The following CAMKMT variants were observed in gnomAD, a reference collection of about 807,000 sequenced individuals.
CAMKMT encodes calmodulin-lysine N-methyltransferase, also known as CaM KMT.
Under a neutral mutation model 48.0 loss-of-function variants are expected in CAMKMT, and 53 were observed. The ratio of observed to expected loss-of-function variants is 1.10; its 90% confidence interval spans 0.89 to 1.39. The LOEUF is 1.39. Among genes scored for constraint, CAMKMT ranks in the 40% most tolerant of loss-of-function variants. CAMKMT has a pLI of 0.00. For synonymous variants in CAMKMT, 165 were observed against 152.3 expected (o/e 1.08, Z -0.61); for missense variants, 428 against 402.7 (o/e 1.06, Z -0.54).
At chr2:44,402,125 G>C (rs1682428829) in intron 3 of CAMKMT, among the ~76,000 whole-genome samples, 1 of 152,052 alleles carries the variant, frequency 6.6e-6, no homozygotes. Context: ...TTGGGCGTTC[G>C]AGACCAGCCT....
intron 3 of CAMKMT, among the ~76,000 whole-genome samples, chr2:44,664,906 C>T (rs1674875471): frequency 1.3e-5 from 2 of 152,162 alleles, no homozygotes; most frequent in Non-Finnish European, 1.5e-5. Context: ...GTGTGGGTCA[C>T]AGTGATTCTC....
chr2:44,563,094 G>A (rs1045688711), intron 3 of CAMKMT, among the ~76,000 whole-genome samples: 4 of 151,988 alleles, frequency 2.6e-5, no homozygotes, highest in Non-Finnish European at 5.9e-5. Flanking sequence ...AAATAAGGCC[G>A]AGAGATTAAA....
chr2:44,385,108 A>T (rs1680653446), intron 2 of CAMKMT, among the ~76,000 whole-genome samples: 1 of 152,286 alleles, frequency 6.6e-6, no homozygotes, highest in Non-Finnish European at 1.5e-5. Context: ...CTACCTATCC[A>T]TGAGCATGGG....
intron 3 of CAMKMT, among the ~76,000 whole-genome samples, chr2:44,610,181 G>A (rs1313467459): frequency 2.0e-5 from 3 of 152,112 alleles, no homozygotes; most frequent in African/African-American, 7.2e-5. Flanking sequence ...TAACTGCATT[G>A]TGTAAGTCTC....
At chr2:44,538,968 G>A (rs951210048) in intron 3 of CAMKMT, among the ~76,000 whole-genome samples, 1 of 110,304 alleles carries the variant, frequency 9.1e-6, no homozygotes, top group African/African-American at 4.4e-5. Context: ...CTGTGTGTGT[G>A]TGTGTGTGTG....
At chr2:44,710,669 C>T (rs1308094460) in intron 6 of CAMKMT, among the ~76,000 whole-genome samples, 1 of 151,832 alleles carries the variant, frequency 6.6e-6, no homozygotes, top group Middle Eastern at 3.2e-3. Context: ...TCTTCAACTG[C>T]CCACATATAA....
chr2:44,626,783 A>G lies in CAMKMT; in HGVS notation c.377-77500A>G, dbSNP rs561440556. On this transcript the variant is annotated intron_variant, in intron 3 of 10. Transcript: ENST00000378494. ...AACATATGAATTTTGGGGGGACACA[A>G]CATTCAGAACATTGCACGAGACCAT... Among the ~76,000 whole-genome samples the G allele has an allele frequency of 1.3e-4, 20 of 152,264 alleles. No individual in the cohort carries two copies. The South Asian group carries it at 4.2e-3, about 32-fold the overall frequency.
intron 3 of CAMKMT, among the ~76,000 whole-genome samples, chr2:44,574,215 A>G (rs1004681971): frequency 1.3e-5 from 2 of 152,220 alleles, no homozygotes; most frequent in African/African-American, 4.8e-5. Flanking sequence ...CACATGGGGA[A>G]GACCAAGATT....
chr2:44,588,643 G>C (rs1222392722), intron 3 of CAMKMT, among the ~76,000 whole-genome samples: 1 of 47,904 alleles, frequency 2.1e-5, no homozygotes, highest in Admixed American at 2.1e-4. Flanking sequence ...AGTCCGGGAG[G>C]GAGGTGGGGG....
chr2:44,442,138 T>C (rs1666703456), intron 3 of CAMKMT, among the ~76,000 whole-genome samples: 1 of 152,152 alleles, frequency 6.6e-6, no homozygotes, highest in Non-Finnish European at 1.5e-5. Flanking sequence ...TACTCATTTT[T>C]ACCCAAGCAA....
chr2:44,558,536 A>G (rs1038466883), intron 3 of CAMKMT, among the ~76,000 whole-genome samples: 5 of 152,174 alleles, frequency 3.3e-5, no homozygotes, highest in African/African-American at 1.2e-4. Context: ...CAAATTAATT[A>G]ATTCTCAGAG....
rs145203293 is a variant in CAMKMT, at chr2:44,492,168, T to G, written c.376+101863T>G. On this transcript the variant is annotated intron_variant, in intron 3 of 10. Transcript: ENST00000378494. ...GAAATTATGTCCCTTATAAAACATTTGAGTTTTTTTTTTGGTAGAATGCCA... is the reference window on the plus strand; with the variant it reads ...GAAATTATGTCCCTTATAAAACATTGGAGTTTTTTTTTTGGTAGAATGCCA... Among the ~76,000 whole-genome samples, 90 of 152,222 alleles carry G rather than the reference T, an allele frequency of 5.9e-4. 1 individual carries two copies. In the East Asian group the frequency reaches 0.014, roughly 23 times the overall value.
intron 10 of CAMKMT, among the ~76,000 whole-genome samples, chr2:44,771,208 A>T (rs1333990305): frequency 6.6e-6 from 1 of 152,196 alleles, no homozygotes; most frequent in Admixed American, 6.5e-5. Flanking sequence ...CTCCCTGTAT[A>T]ATTTAAAGAA....
chr2:44,608,602 T>C (rs548564440), intron 3 of CAMKMT, among the ~76,000 whole-genome samples: 1 of 152,286 alleles, frequency 6.6e-6, no homozygotes, highest in Admixed American at 6.5e-5. Flanking sequence ...TATATTTTCT[T>C]CATACCATCA....
Position 44,591,525 on chromosome 2 carries a change from G to T in CAMKMT, c.377-112758G>T, listed in dbSNP as rs1298058923. Among the ~76,000 whole-genome samples, 6 of 152,034 alleles carry T rather than the reference G, an allele frequency of 3.9e-5. No homozygotes were observed. The East Asian group carries it at 5.8e-4, about 15-fold the overall frequency. On this transcript the variant is annotated intron_variant, in intron 3 of 10. Transcript: ENST00000378494. ...TATTCTCTTTGAAGCAATTGTGAAT[G>T]GGAGTTCACTCATGATTTGGCTCTC... is the stretch of plus-strand genomic sequence containing the variant.
chr2:44,681,366 A>T (rs1387417356), intron 3 of CAMKMT, among the ~76,000 whole-genome samples: 1 of 152,114 alleles, frequency 6.6e-6, no homozygotes, highest in African/African-American at 2.4e-5. Flanking sequence ...CTGATCCCCT[A>T]CCGCTCATAG....
chr2:44,761,376 T>A (rs948383867), intron 9 of CAMKMT, among the ~76,000 whole-genome samples: 1 of 152,250 alleles, frequency 6.6e-6, no homozygotes, highest in East Asian at 1.9e-4. Context: ...CAGGCTGCGA[T>A]AAAGGCATGG....
chr2:44,447,744 A>G (rs578076691), intron 3 of CAMKMT, among the ~76,000 whole-genome samples: 3 of 152,364 alleles, frequency 2.0e-5, no homozygotes, highest in African/African-American at 7.2e-5. Context: ...TCAGTAGGGC[A>G]TAAAAGTATA....
Position 44,653,659 on chromosome 2 carries a change from A to G in CAMKMT, c.377-50624A>G, listed in dbSNP as rs928889985. Among the ~76,000 whole-genome samples, 1 of 152,240 alleles carries G rather than the reference A, an allele frequency of 6.6e-6. No homozygotes were observed. Among genetic ancestry groups the G allele is most frequent in the Non-Finnish European group, 1.5e-5 (1 of 68,042 alleles). ...TAGGTTCCCAGGAGGAGGAGTCTAC[A>G]TTAGTGACAGGTGACCAACCAAGAT... On this transcript the variant is annotated intron_variant, in intron 3 of 10. Transcript: ENST00000378494. This position sits in a 1 kb window ranked among gnomAD's most constrained non-coding sequence, Gnocchi z 5.2.
Sources: allele counts gnomAD v4.1 joint callset (sites outside exome capture counted in the v4.1 genomes callset), GRCh38; gene constraint gnomAD v4.1.1; non-coding constraint Gnocchi (gnomAD v3.1); transcripts MANE v1.5; gene names NCBI Gene and HGNC (gene_info 2026-07-23, HGNC 2026-07-21).